VSIR: variants seen among roughly 807,000 people sequenced by gnomAD.
The protein encoded by VSIR is V-set immunoregulatory receptor, also known as V-type immunoglobulin domain-containing suppressor of T-cell activation.
Under a neutral mutation model 31.0 loss-of-function variants are expected in VSIR, and 10 were observed. The ratio of observed to expected loss-of-function variants is 0.32; its 90% CI spans 0.20 to 0.55. The LOEUF is 0.55. Ranked by LOEUF, VSIR falls within the 20% of genes least tolerant of loss-of-function variation. The pLI, the probability that VSIR is intolerant of heterozygous loss-of-function variation, is 0.93. For missense variants in VSIR, 356 were observed against 416.2 expected, an observed-to-expected ratio of 0.86 and a Z score of 1.26; for synonymous variants, 179 against 180.1, an observed-to-expected ratio of 0.99 and a Z score of 0.05.
In VSIR at chr10:71,773,402, C is replaced by T. The variant is rs751692062; in HGVS notation, c.38G>A (p.Arg13His). ...GAGAGCGAAGAGCAGGGATCCCCAG[C>T]GCCAGCTGCCGGCCTCCAGGGCCGT... The part of the protein sequence containing the change: ...VPTALEAGSW[R>H]WGSLLFALFL... The change falls in exon 1 of 7, where the codon CGC (arginine) becomes CAC (histidine). Residue 13 changes from arginine (R) to histidine (H), a missense_variant. By Grantham distance (29) the Arg-to-His change is conservative (BLOSUM62 0). Transcript: ENST00000394957. The T allele has an allele frequency of 1.9e-6, 3 of 1,608,994 alleles. No homozygotes were observed. Among genetic ancestry groups the T allele is most frequent in the East Asian group, 4.5e-5 (2 of 44,716 alleles).
intron 1 of VSIR, among the ~76,000 whole-genome samples, chr10:71,764,744 G>C (rs988891922): frequency 1.3e-5 from 2 of 152,178 alleles, no homozygotes; most frequent in Non-Finnish European, 2.9e-5. Flanking sequence ...ATTTGAGTTT[G>C]TGATGAATGA....
Position 71,773,398 on chromosome 10 carries a change from C to G in VSIR, c.42G>C (p.Trp14Cys). Residue 14 changes from tryptophan to cysteine, a missense_variant, in exon 1 of 7, where the codon TGG (tryptophan) becomes TGC (cysteine). Transcript: ENST00000394957. ...PTALEAGSWR[W>C]GSLLFALFLA... ...GGAAGAGAGCGAAGAGCAGGGATCC[C>G]CAGCGCCAGCTGCCGGCCTCCAGGG... The G allele has an allele frequency of 6.2e-7, 1 of 1,609,828 alleles. No individual in the cohort carries two copies. The highest frequency in any genetic ancestry group is 8.5e-7 in the Non-Finnish European group (1 of 1,178,488).
At chr10:71,759,843 A>G (rs1465519344) in intron 3 of VSIR, among the ~76,000 whole-genome samples, 8 of 37,994 alleles carry the variant, frequency 2.1e-4, no homozygotes, top group African/African-American at 4.6e-4. Flanking sequence ...ACACACACAC[A>G]CACATATACA....
chr10:71,766,369 C>CGCCACCT (rs905183419), intron 1 of VSIR, among the ~76,000 whole-genome samples: 2 of 152,150 alleles, frequency 1.3e-5, no homozygotes, highest in African/African-American at 4.8e-5. Flanking sequence ...GCCCGCCACC[C>CGCCACCT]GCCACCTGCC....
rs753973412 is a variant in VSIR at position 71,751,232 on chromosome 10, G to A, written c.*21C>T. 6 of 1,603,748 alleles carry A rather than the reference G, an allele frequency of 3.7e-6. No individual in the cohort carries two copies. The highest frequency in any genetic ancestry group is 4.5e-5 in the East Asian group (2 of 44,592). ...ACCTGCCCCAGACCCAGCCACAACA[G>A]CCCACTGTCCCCCAGCTGGGCTAGA... On this transcript the variant is annotated 3_prime_UTR_variant, in exon 7 of 7. Coordinates refer to ENST00000394957, the MANE Select transcript of VSIR (RefSeq NM_022153.2). This position sits in a 1 kb window ranked among gnomAD's most constrained non-coding sequence, Gnocchi z 4.9.
chr10:71,759,916 TATATACACACACAC>T (rs1564779330), intron 3 of VSIR, among the ~76,000 whole-genome samples: 7 of 31,782 alleles, frequency 2.2e-4, no homozygotes, highest in Admixed American at 6.2e-4. Context: ...CACACACACA[TATATACACACACAC>T]ATATATACAC....
chr10:71,768,880 A>G (rs1174387430), intron 1 of VSIR, among the ~76,000 whole-genome samples: 1 of 152,256 alleles, frequency 6.6e-6, no homozygotes, highest in African/African-American at 2.4e-5. Flanking sequence ...AAACGGAAGC[A>G]CAGAGAGATT....
Position 71,751,178 on chromosome 10 carries a change from A to C in VSIR, c.*75T>G. ...AACCAGGGCCGAGGCCAAGGAGGCC[A>C]CTCACAGAGCCAGCCCTGGCTCAAA... is the stretch of plus-strand genomic sequence containing the variant. On this transcript the variant is annotated 3_prime_UTR_variant, in exon 7 of 7. Transcript: ENST00000394957. The surrounding 1 kb of genome is among the most constrained non-coding windows in gnomAD (Gnocchi z 4.9). 6.6e-7 allele frequency: 1 copy of C among 1,522,170 alleles called. No individual in the cohort carries two copies. The allele number at this position is 1,522,170 out of a possible 1,614,324, so 94.3% of individuals were successfully genotyped here. A position where few individuals can be genotyped will look rare whatever the true frequency, so the allele number is the denominator to read the frequency against.
intron 1 of VSIR, among the ~76,000 whole-genome samples, chr10:71,771,593 A>G (rs148726703): frequency 2.6e-5 from 4 of 152,358 alleles, no homozygotes; most frequent in African/African-American, 9.6e-5. Context: ...GTCACAGTTC[A>G]GAATCCTGAG....
In VSIR at chr10:71,750,929, A is replaced by G; in HGVS notation, c.*324T>C. 1 of 281,142 alleles carries G rather than the reference A, an allele frequency of 3.6e-6. No individual in the cohort carries two copies. Among genetic ancestry groups the G allele is most frequent in the Non-Finnish European group, 6.7e-6 (1 of 149,922 alleles). The allele number at this position is 281,142 out of a possible 1,614,324, so 17.4% of individuals were successfully genotyped here. On this transcript the variant is annotated 3_prime_UTR_variant, in exon 7 of 7. Coordinates refer to ENST00000394957, the MANE Select transcript of VSIR (RefSeq NM_022153.2). ...TGCCACATCCCAAGGCTCATGTCTC[A>G]GAACGAGAGCTGCTGAAGGGCTGGA...
intron 3 of VSIR, among the ~76,000 whole-genome samples, chr10:71,759,846 C>CACACAT (rs776230069): frequency 0.013 from 791 of 59,980 alleles, 35 homozygotes; most frequent in Non-Finnish European, 0.014. Flanking sequence ...CACACACACA[C>CACACAT]ATATACACAC....
intron 3 of VSIR, among the ~76,000 whole-genome samples, chr10:71,759,318 G>A (rs943574097): frequency 1.8e-4 from 27 of 152,022 alleles, no homozygotes; most frequent in African/African-American, 4.8e-4. Context: ...GATTACAGGC[G>A]TGAGCCACCG....
chr10:71,759,872 T>C (rs377216131), intron 3 of VSIR, among the ~76,000 whole-genome samples: 55 of 34,864 alleles, frequency 1.6e-3, no homozygotes, highest in African/African-American at 2.4e-3. Context: ...CACATATATA[T>C]ACACACACAC....
rs985292816 is a variant in VSIR, at chr10:71,773,502, G to T, written c.-63C>A. The stretch of plus-strand genomic sequence containing the variant: ...GGAGCGGGCGGGACGCGGCCGGCGC[G>T]GGGAAGCCTCCCGCGACTGAGTGCG... On this transcript the variant is annotated 5_prime_UTR_variant, in exon 1 of 7. Coordinates refer to ENST00000394957, the MANE Select transcript of VSIR (RefSeq NM_022153.2). The T allele has an allele frequency of 2.0e-6, 3 of 1,496,684 alleles. No homozygotes were observed. The highest frequency in any genetic ancestry group is 1.4e-5 in the African/African-American group (1 of 71,734). 92.7% of individuals were successfully genotyped at this position (1,496,684 alleles called of 1,614,324 possible). A position where few individuals can be genotyped will look rare whatever the true frequency, so the allele number is the denominator to read the frequency against.
chr10:71,755,007 C>T (rs566887092), intron 4 of VSIR: 37 of 467,452 alleles, frequency 7.9e-5, no homozygotes, highest in African/African-American at 6.3e-4. Flanking sequence ...AAAACAAGCA[C>T]GCCCATACCT....
rs771907605 is a variant in VSIR, at chr10:71,761,641, C to T, written c.468G>A (p.Ser156=). 12 of 1,610,994 alleles carry T rather than the reference C, an allele frequency of 7.4e-6. No homozygotes were observed. The highest frequency in any genetic ancestry group is 1.7e-5 in the Admixed American group (1 of 59,876). Residue 156 remains serine, a synonymous_variant, in exon 2 of 7, where the codon TCG becomes TCA. Transcript: ENST00000394957. ...CCATGGCACCATGGACCCTGTGCTC[C>T]GAGTGGTGGTGCCTGATCTCCACCA... is the stretch of plus-strand genomic sequence containing the variant. ...CLVVEIRHHH[S]EHRVHGAMEL...
At chr10:71,752,910 A>G in intron 5 of VSIR, 65 bp downstream of exon 5, 1 of 1,578,574 alleles carries the variant, frequency 6.3e-7, no homozygotes, top group Non-Finnish European at 8.7e-7. Flanking sequence ...CCTACTGCAC[A>G]GAAGTATCTC....
In VSIR at chr10:71,751,735, A is replaced by G; in HGVS notation, c.831T>C (p.His277=). The change falls in exon 6 of 7, where the codon CAT becomes CAC. Residue 277 remains histidine (H), a synonymous_variant. Coordinates refer to ENST00000394957, the MANE Select transcript of VSIR (RefSeq NM_022153.2). The surrounding 1 kb of genome is among the most constrained non-coding windows in gnomAD (Gnocchi z 4.9). ...GGGGGGTGCTGGGCTCCGAAAGCAGATGCCGCCCAGACTCAGAAGGCTGCC... is the reference window on the plus strand; with the variant it reads ...GGGGGGTGCTGGGCTCCGAAAGCAGGTGCCGCCCAGACTCAGAAGGCTGCC... The part of the protein sequence containing the change: ...AQRQPSESGR[H]LLSEPSTPLS... 1 of 1,594,036 alleles carries G rather than the reference A, an allele frequency of 6.3e-7. No homozygotes were observed. Among genetic ancestry groups the G allele is most frequent in the Non-Finnish European group, 8.5e-7 (1 of 1,170,694 alleles).
In VSIR at chr10:71,761,668, C is replaced by T; in HGVS notation, c.441G>A (p.Leu147=). 2 of 1,613,580 alleles carry T rather than the reference C, an allele frequency of 1.2e-6. No individual in the cohort carries two copies. Among genetic ancestry groups the T allele is most frequent in the Non-Finnish European group, 8.5e-7 (1 of 1,179,900 alleles). The stretch of plus-strand genomic sequence containing the variant: ...AGTGGTGGTGCCTGATCTCCACCAC[C>T]AGGCAGCAGTAGAGGCCGCTATCCA... ...TLLDSGLYCC[L]VVEIRHHHSE... Residue 147 remains leucine (L), a synonymous_variant, in exon 2 of 7, where the codon CTG becomes CTA. Coordinates refer to ENST00000394957, the MANE Select transcript of VSIR (RefSeq NM_022153.2).
Sources: allele counts gnomAD v4.1 joint callset (sites outside exome capture counted in the v4.1 genomes callset), GRCh38; gene constraint gnomAD v4.1.1; non-coding constraint Gnocchi (gnomAD v3.1); transcripts MANE v1.5; gene names NCBI Gene and HGNC (gene_info 2026-07-23, HGNC 2026-07-21).